COL4A6: variants seen among roughly 807,000 people sequenced by gnomAD.
COL4A6 encodes the protein collagen type IV alpha 6 chain.
In COL4A6, 59 loss-of-function variants were observed where a neutral mutation model predicts 126.7. The ratio of observed to expected loss-of-function variants is 0.47; its 90% CI spans 0.38 to 0.58. The LOEUF (loss-of-function observed/expected upper bound fraction) is 0.58, where lower values mean the gene tolerates loss of function less well. COL4A6 is among the 20% of genes least tolerant of loss of function. The pLI is 0.00. For synonymous variants in COL4A6, 547 were observed against 496.6 expected, an observed-to-expected ratio of 1.10 and a Z score of -1.35; for missense variants, 1,285 against 1,337.3, an observed-to-expected ratio of 0.96 and a Z score of 0.61.
chrX:108,343,398 G>A (rs774931979), intron 2 of COL4A6, among the ~76,000 whole-genome samples: 137 of 109,810 alleles, frequency 1.2e-3, no homozygotes, highest in South Asian at 2.3e-3. Context: ...AGATTCTCAA[G>A]GTCTATTTTT....
chrX:108,413,237 TAAG>T (rs1256159793), intron 2 of COL4A6, among the ~76,000 whole-genome samples: 2 of 111,574 alleles, frequency 1.8e-5, no homozygotes, highest in African/African-American at 3.3e-5. Flanking sequence ...AATTCAGGTG[TAAG>T]AAGATGATAG....
chrX:108,363,119 G>A (rs1286207955), intron 2 of COL4A6, among the ~76,000 whole-genome samples: 1 of 112,307 alleles, frequency 8.9e-6, no homozygotes, highest in Non-Finnish European at 1.9e-5. Flanking sequence ...TAGCACACGA[G>A]AGAGTGGACT....
intron 2 of COL4A6, among the ~76,000 whole-genome samples, chrX:108,426,054 A>C (rs898389393): frequency 9.9e-5 from 11 of 111,347 alleles, no homozygotes; most frequent in African/African-American, 3.6e-4. Flanking sequence ...GTATTTATGC[A>C]ACTTAATCAT....
intron 31 of COL4A6, 66 bp from the exon 32 acceptor site, chrX:108,172,598 T>C: frequency 1.1e-6 from 1 of 876,345 alleles, no homozygotes; most frequent in Non-Finnish European, 1.6e-6. Context: ...TCTTACTTCC[T>C]CACCCCTCAC....
At chrX:108,352,303 T>C (rs1228159573) in intron 2 of COL4A6, among the ~76,000 whole-genome samples, 3 of 112,719 alleles carry the variant, frequency 2.7e-5, no homozygotes, top group Non-Finnish European at 5.6e-5. Flanking sequence ...GGAATGTGAA[T>C]AGCAAAGTCC....
At chrX:108,332,219 A>G (rs1431621711) in intron 2 of COL4A6, among the ~76,000 whole-genome samples, 1 of 111,708 alleles carries the variant, frequency 9.0e-6, no homozygotes, top group Non-Finnish European at 1.9e-5. Flanking sequence ...CATGGGATAT[A>G]TATCACATTC....
chrX:108,409,492 A>G (rs2041283688), intron 2 of COL4A6, among the ~76,000 whole-genome samples: 1 of 111,785 alleles, frequency 8.9e-6, no homozygotes, highest in Admixed American at 9.5e-5. Context: ...GAGTACTATT[A>G]TTTTACCAGT....
At chrX:108,401,160 T>G (rs886066390) in intron 2 of COL4A6, among the ~76,000 whole-genome samples, 1 of 111,499 alleles carries the variant, frequency 9.0e-6, no homozygotes, top group Non-Finnish European at 1.9e-5. Context: ...AGTTCATATA[T>G]ATATTTAGAT....
At chrX:108,293,359 TA>T (rs1317476937) in intron 3 of COL4A6, among the ~76,000 whole-genome samples, 1 of 111,852 alleles carries the variant, frequency 8.9e-6, no homozygotes, top group Non-Finnish European at 1.9e-5. Context: ...TCACCTATGA[TA>T]AGTACTTAAT....
chrX:108,279,285 A>G (rs762995277), intron 3 of COL4A6, among the ~76,000 whole-genome samples: 2 of 111,175 alleles, frequency 1.8e-5, no homozygotes, highest in East Asian at 5.7e-4. Context: ...TCAAAATAAA[A>G]GGATGGAGGA....
intron 2 of COL4A6, chrX:108,383,690 G>A: frequency 2.0e-6 from 1 of 509,764 alleles, no homozygotes; most frequent in Non-Finnish European, 3.6e-6. Context: ...CTCAACACAG[G>A]AGAGAGTGGT....
chrX:108,400,341 A>G (rs1415549346), intron 2 of COL4A6, among the ~76,000 whole-genome samples: 1 of 111,392 alleles, frequency 9.0e-6, no homozygotes, highest in East Asian at 2.8e-4. Context: ...CATAAATCAC[A>G]TAAAGATGGT....
Position 108,417,635 on chromosome X carries a change from G to A in COL4A6, c.63+20307C>T, listed in dbSNP as rs5973876. On this transcript the variant is annotated intron_variant, in intron 2 of 44. Coordinates refer to ENST00000334504, the MANE Select transcript of COL4A6 (RefSeq NM_033641.4). ...TAATTTTTAATGTTCAGCTCTGCAT[G>A]AGAAAAATAAACTGTTGTAAATTTC... is the stretch of plus-strand genomic sequence containing the variant. Among the ~76,000 whole-genome samples the A allele has an allele frequency of 4.9e-3, 553 of 111,721 alleles. 3 individuals are homozygous for A. Among genetic ancestry groups the A allele is most frequent in the African/African-American group, 0.016 (500 of 30,810 alleles).
chrX:108,420,781 A>C (rs370782275), intron 2 of COL4A6, among the ~76,000 whole-genome samples: 1 of 111,845 alleles, frequency 8.9e-6, no homozygotes, highest in Non-Finnish European at 1.9e-5. Flanking sequence ...TGGCTCTTCA[A>C]TGGTCCATCC....
At chrX:108,231,206 G>A (rs1390653835) in intron 3 of COL4A6, among the ~76,000 whole-genome samples, 2 of 111,831 alleles carry the variant, frequency 1.8e-5, no homozygotes, top group African/African-American at 6.5e-5. Flanking sequence ...ACACTCAAAT[G>A]GAATCACATT....
At chrX:108,437,814 AAAGGGG>A in intron 2 of COL4A6, 122 bp downstream of exon 2, 2 of 684,260 alleles carry the variant, frequency 2.9e-6, no homozygotes, top group South Asian at 5.1e-5. Context: ...CTCCCATTAG[AAAGGGG>A]AGTGGTGTGG....
chrX:108,323,638 C>G (rs745819932), intron 2 of COL4A6, among the ~76,000 whole-genome samples: 5 of 111,992 alleles, frequency 4.5e-5, no homozygotes, highest in African/African-American at 1.6e-4. Flanking sequence ...ATCCATTTCT[C>G]TCGAAATTCT....
At chrX:108,332,939 G>GT (rs943585171) in intron 2 of COL4A6, among the ~76,000 whole-genome samples, 5 of 108,684 alleles carry the variant, frequency 4.6e-5, no homozygotes, top group Admixed American at 2.9e-4. Context: ...ATTTTTCCTA[G>GT]TTTTTTTTTC....
intron 2 of COL4A6, among the ~76,000 whole-genome samples, chrX:108,366,084 C>T (rs2040191760): frequency 9.0e-6 from 1 of 111,426 alleles, no homozygotes; most frequent in South Asian, 3.8e-4. Context: ...TTATATTGTA[C>T]ATTCTTAAGC....
Sources: allele counts gnomAD v4.1 joint callset (sites outside exome capture counted in the v4.1 genomes callset), GRCh38; gene constraint gnomAD v4.1.1; transcripts MANE v1.5; gene names NCBI Gene and HGNC (gene_info 2026-07-23, HGNC 2026-07-21).